PAGE2: variants seen among roughly 807,000 people sequenced by gnomAD.
PAGE2 encodes the protein PAGE family member 2.
PAGE2 carries 6 observed loss-of-function variants against 7.5 expected under a neutral mutation model. The observed-to-expected ratio is 0.80, with a 90% CI of 0.44 to 1.57. PAGE2 has a LOEUF of 1.57. PAGE2 is among the 40% of genes most tolerant of loss of function. The pLI is 0.01. For synonymous variants in PAGE2, 22 were observed against 25.4 expected, an observed-to-expected ratio of 0.87 and a Z score of 0.41; for missense variants, 72 against 76.4, an observed-to-expected ratio of 0.94 and a Z score of 0.21.
At chrX:55,091,162 A>T (rs1245318311) in intron 3 of PAGE2, among the ~76,000 whole-genome samples, 170 bp from the exon 4 acceptor site, 1 of 111,580 alleles carries the variant, frequency 9.0e-6, no homozygotes, top group East Asian at 2.8e-4. Context: ...CTTGGGAAAG[A>T]AAAGGGCAAT....
chrX:55,089,945 C>T (rs774530606), intron 1 of PAGE2, 68 bp from the exon 2 acceptor site: 6 of 814,844 alleles, frequency 7.4e-6, no homozygotes, highest in Non-Finnish European at 1.1e-5. Context: ...ACCATTTTGC[C>T]GTGGAATGTT....
intron 3 of PAGE2, 118 bp from the exon 4 acceptor site, chrX:55,091,214 C>T (rs746065372): frequency 9.1e-7 from 1 of 1,101,711 alleles, no homozygotes; most frequent in African/African-American, 1.9e-5. Flanking sequence ...GCAGCAGATT[C>T]CTGAAATAAT....
chrX:55,089,579 G>A (rs1360662153), intron 1 of PAGE2, among the ~76,000 whole-genome samples: 2 of 109,725 alleles, frequency 1.8e-5, no homozygotes, highest in Non-Finnish European at 3.8e-5. Flanking sequence ...TCTCACCTCC[G>A]CCATGGACAT....
In PAGE2 at chrX:55,090,120, T is replaced by C; in HGVS notation, c.84+16T>C. ...ATCTGTGATTGTGAGTCTTTTAACA[T>C]TTGATGTTTTCTATTAACACAATTT... On this transcript the variant is annotated intron_variant, in intron 2 of 4. Coordinates refer to ENST00000374968, the MANE Select transcript of PAGE2 (RefSeq NM_207339.4). 1 of 1,175,773 alleles carries C rather than the reference T, an allele frequency of 8.5e-7. No homozygotes were observed. Among genetic ancestry groups the C allele is most frequent in the Non-Finnish European group, 1.2e-6 (1 of 866,535 alleles).
intron 1 of PAGE2, 36 bp from the exon 2 acceptor site, chrX:55,089,977 A>G (rs1936639039): frequency 9.5e-6 from 10 of 1,050,856 alleles, no homozygotes; most frequent in African/African-American, 3.9e-5. Flanking sequence ...CTAAGTTCTT[A>G]CACACTTTTT....
At position 55,090,043 on chromosome X, in the gene PAGE2, G is replaced by A; in HGVS notation, c.23G>A (p.Arg8Lys). ...AATATGAGTGAGCTTCTAAGAGCAA[G>A]ATCCCAATCCTCAGAAAGAGGAAAT... MSELLRA[R>K]SQSSERGNDQ... is the part of the protein sequence containing the mutation. The change falls in exon 2 of 5, where the codon AGA (arginine) becomes AAA (lysine). Residue 8 changes from arginine to lysine, a missense_variant. By Grantham distance (26) the Arg-to-Lys change is conservative. Transcript: ENST00000374968. 1.7e-6 allele frequency: 2 copies of A among 1,202,883 alleles called. No individual in the cohort carries two copies. Among genetic ancestry groups the A allele is most frequent in the Non-Finnish European group, 2.2e-6 (2 of 889,284 alleles).
At chrX:55,089,917 AT>A (rs1456448709) in intron 1 of PAGE2, 95 bp from the exon 2 acceptor site, 3 of 678,556 alleles carry the variant, frequency 4.4e-6, no homozygotes, top group Non-Finnish European at 4.4e-6. Flanking sequence ...TATTTTCAAA[AT>A]TAAAAAAGTA....
rs141676628 is a variant in PAGE2, at chrX:55,090,582, T to C, written c.165T>C (p.Ile55=). ...AGGGTATTGCACCTAGTGGGGAGATTGAAAATCAAGCAGTGCCTGCTTTTC... is the reference window on the plus strand; with the variant it reads ...AGGGTATTGCACCTAGTGGGGAGATCGAAAATCAAGCAGTGCCTGCTTTTC... ...DNQGIAPSGE[I]ENQAVPAFQG... Residue 55 remains isoleucine (I), a synonymous_variant, in exon 3 of 5, where the codon ATT becomes ATC. Transcript: ENST00000374968. The C allele has an allele frequency of 1.0e-4, 120 of 1,203,521 alleles. 3 individuals carry two copies. The African/African-American group carries it at 1.1e-3, about 11-fold the overall frequency.
chrX:55,091,857 A>G (rs1317693406), intron 4 of PAGE2, among the ~76,000 whole-genome samples: 1 of 59,674 alleles, frequency 1.7e-5, no homozygotes, highest in African/African-American at 5.2e-5. Context: ...ATGTGTATAT[A>G]TATATATTTA....
rs1936654331 is a variant in PAGE2, at chrX:55,091,381, G to GGA, written c.244_245dup (p.Asp82GlufsTer52). 8.3e-7 allele frequency: 1 copy of GGA among 1,204,433 alleles called. No homozygotes were observed. Among genetic ancestry groups the GGA allele is most frequent in the African/African-American group, 1.8e-5 (1 of 54,853 alleles). ...AGGAACTGGCTCTGCTTAAGATAGA[G>GGA]GATGAGCCTGGAGATGGTCCTGATG... On this transcript the variant is annotated frameshift_variant, in exon 4 of 5. Transcript: ENST00000374968. LOFTEE classifies it high-confidence loss of function.
chrX:55,090,430 G>T, intron 2 of PAGE2, 72 bp from the exon 3 acceptor site: 1 of 970,957 alleles, frequency 1.0e-6, no homozygotes, highest in Non-Finnish European at 1.4e-6. Context: ...TTAGATGTGT[G>T]ATTCGATGCA....
At chrX:55,091,299 A>G (rs1203534573) in intron 3 of PAGE2, 33 bp from the exon 4 acceptor site, 2 of 1,204,432 alleles carry the variant, frequency 1.7e-6, no homozygotes, top group African/African-American at 3.6e-5. Flanking sequence ...TCATGTTTTA[A>G]TTTGTAAATT....
chrX:55,090,094 G>T lies in PAGE2; in HGVS notation c.74G>T (p.Gly25Val), dbSNP rs137915662. 25 of 1,198,984 alleles carry T rather than the reference G, an allele frequency of 2.1e-5. 2 individuals carry two copies. The African/African-American group carries it at 4.0e-4, about 19-fold the overall frequency. The change falls in exon 2 of 5, where the codon GGA becomes GTA. Residue 25 changes from glycine to valine, a missense_variant. Transcript: ENST00000374968. ...GACCAAGAGTCTTCCCAGCCGGTTG[G>T]ATCTGTGATTGTGAGTCTTTTAACA... ...GNDQESSQPV[G>V]SVIVQEPTEE...
At chrX:55,089,387 C>A (rs1164414130) in intron 1 of PAGE2, 1 of 110,555 alleles carries the variant, frequency 9.0e-6, no homozygotes, top group Non-Finnish European at 1.9e-5. Flanking sequence ...ACTCCTGGAA[C>A]CCTCTGAGAG....
At chrX:55,089,955 T>A in intron 1 of PAGE2, 58 bp from the exon 2 acceptor site, 2 of 904,990 alleles carry the variant, frequency 2.2e-6, no homozygotes, top group Non-Finnish European at 3.2e-6. Flanking sequence ...CGTGGAATGT[T>A]CATATATATA....
rs1487350872 is a variant in PAGE2 at position 55,090,369 on chromosome X, CT to C, written c.85-132del. 9.9e-5 allele frequency: 58 copies of C among 585,337 alleles called. No homozygotes were observed. In the South Asian group the frequency reaches 1.2e-3, roughly 12 times the overall value. The allele number at this position is 585,337 out of a possible 1,213,427, so 48.2% of individuals were successfully genotyped here. ...ATCTATCTATCTATCTATCTATCAT[CT>C]ATCTATCTATATGTGTGTGTATGTG... On this transcript the variant is annotated intron_variant, in intron 2 of 4. Coordinates refer to ENST00000374968, the MANE Select transcript of PAGE2 (RefSeq NM_207339.4).
At chrX:55,090,234 A>G in intron 2 of PAGE2, 130 bp downstream of exon 2, 2 of 759,056 alleles carry the variant, frequency 2.6e-6, no homozygotes, top group Non-Finnish European at 3.8e-6. Flanking sequence ...CATGAAGGAA[A>G]CTTTGGTTCA....
intron 2 of PAGE2, 135 bp downstream of exon 2, chrX:55,090,239 G>T: frequency 1.4e-6 from 1 of 729,133 alleles, no homozygotes. Context: ...AGGAAACTTT[G>T]GTTCAGGAAT....
Position 55,091,327 on chromosome X carries a change from T to G in PAGE2, c.194-5T>G. On this transcript the variant is annotated splice_region_variant and splice_polypyrimidine_tract_variant and intron_variant, in intron 3 of 4. Transcript: ENST00000374968. ...TGTAAATTGATGACCTTTTTATCTT[T>G]TAAGGGCCTGACATGGAAGCTTTTC... The G allele has an allele frequency of 8.3e-7, 1 of 1,206,120 alleles. No homozygotes were observed. Among genetic ancestry groups the G allele is most frequent in the Non-Finnish European group, 1.1e-6 (1 of 894,142 alleles).
Sources: gnomAD v4.1 joint callset for allele counts (sites outside exome capture counted in the v4.1 genomes callset) on GRCh38, gnomAD v4.1.1 for gene constraint, MANE v1.5 for transcripts, NCBI Gene and HGNC (gene_info 2026-07-23, HGNC 2026-07-21) for gene names.